HECW1: variants seen among roughly 807,000 people sequenced by gnomAD.
HECW1 encodes the protein HECT, C2 and WW domain containing E3 ubiquitin protein ligase 1.
Under a neutral mutation model 182.3 loss-of-function variants are expected in HECW1, and 61 were observed. That is an observed-to-expected ratio of 0.33 (90% CI 0.27 to 0.41). The LOEUF (loss-of-function observed/expected upper bound fraction) is 0.41. Among genes scored for constraint, HECW1 ranks in the 10% least tolerant of loss-of-function variants. The probability of loss-of-function intolerance (pLI) is 1.00; values close to 1 mark genes in which losing one functional copy is unlikely to be tolerated. For missense variants in HECW1, 1,739 were observed against 2,108.9 expected, an observed-to-expected ratio of 0.82 and a Z score of 3.44; for synonymous variants, 859 against 832.6, an observed-to-expected ratio of 1.03 and a Z score of -0.55.
intron 2 of HECW1, among the ~76,000 whole-genome samples, chr7:43,236,953 C>T (rs1798403037): frequency 6.6e-6 from 1 of 151,834 alleles, no homozygotes; most frequent in South Asian, 2.1e-4. Flanking sequence ...TTTGGGGGTC[C>T]CGAGATTTAT....
intron 6 of HECW1, among the ~76,000 whole-genome samples, chr7:43,382,355 A>G (rs1226120935): frequency 6.6e-6 from 1 of 152,076 alleles, no homozygotes; most frequent in African/African-American, 2.4e-5. Context: ...GGATGCGGTG[A>G]AGCAATGCCT....
chr7:43,388,676 G>A (rs1419740962), intron 6 of HECW1, among the ~76,000 whole-genome samples: 1 of 152,174 alleles, frequency 6.6e-6, no homozygotes, highest in Non-Finnish European at 1.5e-5. Context: ...AGGCTGGAGT[G>A]CAGTGGCATA....
chr7:43,543,124 AT>A (rs2152954504), intron 26 of HECW1, among the ~76,000 whole-genome samples: 1 of 152,374 alleles, frequency 6.6e-6, no homozygotes, highest in South Asian at 2.1e-4. Context: ...TTAACAGAAA[AT>A]AACCATAGCC....
rs548991994 is a variant in HECW1, at chr7:43,363,328, A to C, written c.555+2348A>C. 1.0e-3 allele frequency among the ~76,000 whole-genome samples: 159 copies of C among 152,308 alleles called. 1 individual carries two copies. Among genetic ancestry groups the C allele is most frequent in the African/African-American group, 3.7e-3 (155 of 41,572 alleles). ...ATGCTTCCATCACACTGTTGACATA[A>C]GGTTCAGCAGGTGCCTGATTGCTAC... On this transcript the variant is annotated intron_variant, in intron 6 of 29. Coordinates refer to ENST00000395891, the MANE Select transcript of HECW1 (RefSeq NM_015052.5).
Position 43,469,091 on chromosome 7 carries a change from G to C in HECW1, c.3085G>C (p.Asp1029His). ...GCCCCGGGGCTGGGAGATCAAAACG[G>C]ACCAGCAGGGAAAGGTGAGTGTGAC... ...ELPRGWEIKTDQQGKSFFVDH... is the reference protein window; with the variant it reads ...ELPRGWEIKTHQQGKSFFVDH... The change falls in exon 16 of 30, where the codon GAC becomes CAC. Residue 1029 changes from aspartate to histidine, a missense_variant. Coordinates refer to ENST00000395891, the MANE Select transcript of HECW1 (RefSeq NM_015052.5). 1 of 1,613,944 alleles carries C rather than the reference G, an allele frequency of 6.2e-7. No individual in the cohort carries two copies. The highest frequency in any genetic ancestry group is 8.5e-7 in the Non-Finnish European group (1 of 1,180,014).
At chr7:43,458,076 A>G (rs970676630) in intron 13 of HECW1, among the ~76,000 whole-genome samples, 1 of 152,214 alleles carries the variant, frequency 6.6e-6, no homozygotes, top group African/African-American at 2.4e-5. Context: ...GAATGGACCA[A>G]AAATCCATGG....
chr7:43,256,318 G>A (rs978258324), intron 3 of HECW1, among the ~76,000 whole-genome samples: 5 of 152,116 alleles, frequency 3.3e-5, no homozygotes, highest in African/African-American at 9.7e-5. Context: ...ACATAGTAAA[G>A]ATGAACATCG....
At chr7:43,244,935 G>T (rs80025311) in intron 3 of HECW1, among the ~76,000 whole-genome samples, 2 of 152,300 alleles carry the variant, frequency 1.3e-5, no homozygotes, top group Non-Finnish European at 1.5e-5. Context: ...ACGCGTCAGC[G>T]GGCGGGAAGA....
intron 8 of HECW1, among the ~76,000 whole-genome samples, chr7:43,418,749 A>G (rs1274840512): frequency 1.3e-5 from 2 of 152,172 alleles, no homozygotes; most frequent in Admixed American, 6.5e-5. Flanking sequence ...CACACTGGAT[A>G]TAGTTATAAT....
At chr7:43,155,015 A>G (rs1789726253) in intron 2 of HECW1, among the ~76,000 whole-genome samples, 1 of 152,188 alleles carries the variant, frequency 6.6e-6, no homozygotes, top group South Asian at 2.1e-4. Flanking sequence ...GGTACAGACT[A>G]CAACGCAAGG....
chr7:43,222,621 A>T (rs1797080630), intron 2 of HECW1, among the ~76,000 whole-genome samples: 1 of 152,166 alleles, frequency 6.6e-6, no homozygotes, highest in Non-Finnish European at 1.5e-5. Context: ...TTCCATAGAG[A>T]GCCAAATTCA....
At chr7:43,293,084 G>T (rs550301500) in intron 3 of HECW1, among the ~76,000 whole-genome samples, 3 of 151,998 alleles carry the variant, frequency 2.0e-5, no homozygotes, top group Non-Finnish European at 4.4e-5. Context: ...GCCGGGCGTG[G>T]TGGAAGGCGC....
At chr7:43,407,433 C>A in intron 7 of HECW1, 129 bp from the exon 8 acceptor site, 1 of 652,496 alleles carries the variant, frequency 1.5e-6, no homozygotes. Flanking sequence ...AGCCTGTTTA[C>A]CTGCCTGAGT....
chr7:43,393,189 G>A (rs994985242), intron 6 of HECW1, among the ~76,000 whole-genome samples: 11 of 152,088 alleles, frequency 7.2e-5, no homozygotes, highest in African/African-American at 2.7e-4. Flanking sequence ...GAGAGAGGGG[G>A]GGCAACAGGA....
At chr7:43,375,592 C>T (rs1366230103) in intron 6 of HECW1, among the ~76,000 whole-genome samples, 1 of 152,068 alleles carries the variant, frequency 6.6e-6, no homozygotes, top group Admixed American at 6.6e-5. Context: ...TTCTGTAACA[C>T]TTGTTTTTAA....
chr7:43,172,406 C>G (rs1423458465), intron 2 of HECW1, among the ~76,000 whole-genome samples: 2 of 140,974 alleles, frequency 1.4e-5, no homozygotes, highest in Non-Finnish European at 3.1e-5. Context: ...CTAAAAATCT[C>G]TAGAAATCCT....
chr7:43,514,773 C>A (rs952407562), intron 24 of HECW1, among the ~76,000 whole-genome samples: 1 of 151,942 alleles, frequency 6.6e-6, no homozygotes, highest in African/African-American at 2.4e-5. Context: ...GCTAAATATA[C>A]CAGGCACTGT....
intron 2 of HECW1, among the ~76,000 whole-genome samples, chr7:43,211,661 C>T (rs1375220852): frequency 6.6e-6 from 1 of 152,130 alleles, no homozygotes; most frequent in African/African-American, 2.4e-5. Flanking sequence ...TCATAATAAC[C>T]CTTCACAAAA....
At chr7:43,466,641 G>A in intron 15 of HECW1, 73 bp downstream of exon 15, 1 of 1,515,554 alleles carries the variant, frequency 6.6e-7, no homozygotes. Flanking sequence ...AAAGTCATCT[G>A]ATAGATCTAA....
Sources: gnomAD v4.1 joint callset for allele counts (sites outside exome capture counted in the v4.1 genomes callset) on GRCh38, gnomAD v4.1.1 for gene constraint, MANE v1.5 for transcripts, NCBI Gene and HGNC (gene_info 2026-07-23, HGNC 2026-07-21) for gene names.